ACAD10: variants seen among roughly 807,000 people sequenced by gnomAD.
ACAD10 encodes the protein ACAD-10.
ACAD10 carries 112 observed loss-of-function variants against 116.8 expected under a neutral mutation model. That is an observed-to-expected ratio of 0.96 (90% CI 0.82 to 1.12). The LOEUF is 1.12. Ranked by LOEUF, ACAD10 falls within the 50% of genes most tolerant of loss-of-function variation. The pLI is 0.00. For missense variants in ACAD10, 1,259 were observed against 1,350.2 expected, an observed-to-expected ratio of 0.93 and a Z score of 1.06; for synonymous variants, 486 against 510.6, an observed-to-expected ratio of 0.95 and a Z score of 0.65.
intron 6 of ACAD10, chr12:111,715,509 T>C: frequency 3.2e-6 from 1 of 314,256 alleles, no homozygotes. Flanking sequence ...AATGAACATG[T>C]TTTTATTCAT....
intron 13 of ACAD10, chr12:111,745,594 T>C (rs1192313556): frequency 6.4e-6 from 1 of 157,402 alleles, no homozygotes; most frequent in Non-Finnish European, 1.4e-5. Context: ...CTCTTTTTTT[T>C]TGAGACGGAG....
chr12:111,690,522 C>G (rs1184749680), intron 1 of ACAD10: 4 of 152,048 alleles, frequency 2.6e-5, no homozygotes, highest in Non-Finnish European at 5.9e-5. Context: ...CCGTGACTCA[C>G]ACCTGTAATT....
intron 6 of ACAD10, among the ~76,000 whole-genome samples, chr12:111,714,871 C>T (rs1200444724): frequency 1.3e-5 from 2 of 151,828 alleles, no homozygotes; most frequent in African/African-American, 4.8e-5. Context: ...CACTACCATG[C>T]CTGGCTAATT....
chr12:111,755,090 T>A (rs2135997042), intron 19 of ACAD10, among the ~76,000 whole-genome samples: 1 of 152,146 alleles, frequency 6.6e-6, no homozygotes, highest in Middle Eastern at 3.4e-3. Context: ...TCGGGTCTTT[T>A]TTGTGGTTTA....
intron 13 of ACAD10, chr12:111,745,377 C>G (rs574413413): frequency 5.2e-6 from 2 of 382,294 alleles, no homozygotes; most frequent in East Asian, 7.7e-5. Flanking sequence ...GCTAATAAAT[C>G]TCTCTCTAGA....
At chr12:111,714,764 G>A (rs751143649) in intron 6 of ACAD10, among the ~76,000 whole-genome samples, 27 of 151,908 alleles carry the variant, frequency 1.8e-4, no homozygotes, top group Admixed American at 5.9e-4. Context: ...CCAGGCTGGA[G>A]TGCAATGGCA....
Position 111,746,238 on chromosome 12 carries a change from A to G in ACAD10, c.2210A>G (p.Tyr737Cys). 6.2e-7 allele frequency: 1 copy of G among 1,614,002 alleles called. No individual in the cohort carries two copies. The highest frequency in any genetic ancestry group is 1.1e-5 in the South Asian group (1 of 91,070). The change falls in exon 14 of 21, where the codon TAT becomes TGT. Residue 737 changes from tyrosine to cysteine, a missense_variant. Transcript: ENST00000313698. The part of the protein sequence containing the change: ...KYGAGLTNVE[Y>C]AHLCELMGTS... ...GGAGCAGGACTGACCAATGTGGAAT[A>G]TGCACATCTGTGTGAGCTCATGGGC...
intron 8 of ACAD10, chr12:111,722,046 T>C (rs892495921): frequency 5.1e-6 from 1 of 196,298 alleles, no homozygotes; most frequent in African/African-American, 2.3e-5. Context: ...TGTTTTGTTT[T>C]GTTTTTTTGA....
intron 1 of ACAD10, among the ~76,000 whole-genome samples, chr12:111,687,374 G>A (rs1209827220): frequency 6.6e-6 from 1 of 152,048 alleles, no homozygotes; most frequent in Non-Finnish European, 1.5e-5. Flanking sequence ...TGGCAAGGGG[G>A]CGGGGTGTCC....
chr12:111,694,165 C>T (rs1888131607), intron 2 of ACAD10, among the ~76,000 whole-genome samples: 1 of 152,192 alleles, frequency 6.6e-6, no homozygotes, highest in African/African-American at 2.4e-5. Flanking sequence ...GCACTGCTGA[C>T]CAAATTACTC....
At chr12:111,742,153 C>G (rs932798837) in intron 12 of ACAD10, among the ~76,000 whole-genome samples, 1 of 152,146 alleles carries the variant, frequency 6.6e-6, no homozygotes, top group African/African-American at 2.4e-5. Context: ...AGCAATAGAT[C>G]TAAATCAATC....
intron 11 of ACAD10, among the ~76,000 whole-genome samples, chr12:111,734,962 G>A (rs550937492): frequency 3.8e-4 from 58 of 152,172 alleles, no homozygotes; most frequent in Admixed American, 1.2e-3. Context: ...GGTGGCCCAC[G>A]CCTGTAATCC....
At chr12:111,711,201 TTTGTTG>T (rs138493229) in intron 5 of ACAD10, among the ~76,000 whole-genome samples, 1 of 152,096 alleles carries the variant, frequency 6.6e-6, no homozygotes, top group Non-Finnish European at 1.5e-5. Flanking sequence ...TGCTAAATTT[TTTGTTG>T]TTGTTGTTGT....
chr12:111,688,951 G>C (rs1277343948), intron 1 of ACAD10, among the ~76,000 whole-genome samples: 4 of 152,156 alleles, frequency 2.6e-5, no homozygotes, highest in Non-Finnish European at 4.4e-5. Flanking sequence ...CCAGCACTTA[G>C]GGAGGCCAAG....
intron 18 of ACAD10, among the ~76,000 whole-genome samples, chr12:111,752,458 A>C (rs1303077266): frequency 1.3e-5 from 2 of 151,752 alleles, no homozygotes; most frequent in African/African-American, 4.8e-5. Flanking sequence ...AAATACAAAA[A>C]TTAGCCAGGT....
At chr12:111,735,120 A>G (rs1226180463) in intron 11 of ACAD10, among the ~76,000 whole-genome samples, 1 of 151,606 alleles carries the variant, frequency 6.6e-6, no homozygotes, top group Admixed American at 6.6e-5. Context: ...GCTACTCAGG[A>G]GGCTGAGGCA....
chr12:111,731,196 C>A (rs1423792589), intron 10 of ACAD10, among the ~76,000 whole-genome samples: 1 of 152,226 alleles, frequency 6.6e-6, no homozygotes, highest in African/African-American at 2.4e-5. Flanking sequence ...CTTTGGGGAT[C>A]CCCCTGGGTC....
At position 111,710,015 on chromosome 12, in the gene ACAD10, A is replaced by C. The variant is rs1888626497; in HGVS notation, c.690+331A>C. On this transcript the variant is annotated intron_variant, in intron 5 of 20. Transcript: ENST00000313698. ...AGTGGGGAGCCAGTGGCCACCAGCC[A>C]TGCAGGCCATGCAGCTCACTGCTGT... is the stretch of plus-strand genomic sequence containing the variant. 3.5e-5 allele frequency: 12 copies of C among 339,536 alleles called. 1 individual carries two copies. The highest frequency in any genetic ancestry group is 2.8e-4 in the South Asian group (11 of 38,714). 21.0% of individuals were successfully genotyped at this position (339,536 alleles called of 1,614,324 possible). A position where few individuals can be genotyped will look rare whatever the true frequency, so the allele number is the denominator to read the frequency against.
intron 1 of ACAD10, among the ~76,000 whole-genome samples, chr12:111,691,559 T>A (rs749706240): frequency 6.6e-6 from 1 of 150,662 alleles, no homozygotes; most frequent in Non-Finnish European, 1.5e-5. Context: ...CAGGTTGAGA[T>A]GAAAAAATGG....
Sources: allele counts gnomAD v4.1 joint callset (sites outside exome capture counted in the v4.1 genomes callset), GRCh38; gene constraint gnomAD v4.1.1; transcripts MANE v1.5; gene names NCBI Gene and HGNC (gene_info 2026-07-23, HGNC 2026-07-21).